ENOX1: variants seen among roughly 807,000 people sequenced by gnomAD.
The protein encoded by ENOX1 is candidate growth-related and time keeping constitutive hydroquinone (NADH) oxidase.
In ENOX1, 42 loss-of-function variants were observed where a neutral mutation model predicts 82.5. The observed-to-expected ratio is 0.51, with a 90% confidence interval of 0.40 to 0.66. ENOX1 has a LOEUF of 0.66. Ranked by LOEUF, ENOX1 falls within the 30% of genes least tolerant of loss-of-function variation. ENOX1 has a pLI of 0.00. For missense variants in ENOX1, 608 were observed against 811.6 expected, an observed-to-expected ratio of 0.75 and a Z score of 3.05; for synonymous variants, 271 against 282.2, an observed-to-expected ratio of 0.96 and a Z score of 0.40.
chr13:43,375,449 T>G (rs1246935090), intron 5 of ENOX1, among the ~76,000 whole-genome samples: 2 of 152,184 alleles, frequency 1.3e-5, no homozygotes, highest in African/African-American at 4.8e-5. Context: ...TCATTCAACA[T>G]GTATTAATTA....
chr13:43,265,485 CA>C (rs749038718), intron 13 of ENOX1, 31 bp from the exon 14 acceptor site: 10 of 1,585,994 alleles, frequency 6.3e-6, no homozygotes, highest in Admixed American at 1.7e-5. Flanking sequence ...CAACACAAAA[CA>C]AAAAAATGAA....
chr13:43,568,843 A>G (rs960435229), intron 2 of ENOX1, among the ~76,000 whole-genome samples: 1 of 152,114 alleles, frequency 6.6e-6, no homozygotes, highest in Admixed American at 6.6e-5. Flanking sequence ...TCAAAAGCCA[A>G]TTTTTATCTA....
At chr13:43,755,965 A>G (rs1344631115) in intron 1 of ENOX1, among the ~76,000 whole-genome samples, 1 of 152,192 alleles carries the variant, frequency 6.6e-6, no homozygotes, top group Non-Finnish European at 1.5e-5. Context: ...TACTAACTAA[A>G]AATCAGAACA....
intron 15 of ENOX1, among the ~76,000 whole-genome samples, chr13:43,228,389 A>C (rs1289486045): frequency 6.6e-6 from 1 of 152,158 alleles, no homozygotes; most frequent in Non-Finnish European, 1.5e-5. Flanking sequence ...GGGTTTCCAA[A>C]AGTGGAAAAA....
chr13:43,342,334 T>C (rs2049114540), intron 9 of ENOX1, among the ~76,000 whole-genome samples: 1 of 152,154 alleles, frequency 6.6e-6, no homozygotes, highest in African/African-American at 2.4e-5. Context: ...GACTTCTTGA[T>C]GACCTAGAAG....
At chr13:43,234,943 A>G (rs971036637) in intron 15 of ENOX1, among the ~76,000 whole-genome samples, 3 of 152,172 alleles carry the variant, frequency 2.0e-5, no homozygotes, top group African/African-American at 7.2e-5. Context: ...ATAAAAAAAT[A>G]GAGACTGGTT....
intron 14 of ENOX1, among the ~76,000 whole-genome samples, chr13:43,264,810 A>G (rs2044273881): frequency 6.6e-6 from 1 of 152,216 alleles, no homozygotes; most frequent in Non-Finnish European, 1.5e-5. Flanking sequence ...ACACTTGTTT[A>G]CTTTTTGACA....
At chr13:43,281,576 C>T (rs1389621457) in intron 12 of ENOX1, among the ~76,000 whole-genome samples, 1 of 151,238 alleles carries the variant, frequency 6.6e-6, no homozygotes, top group Non-Finnish European at 1.5e-5. Flanking sequence ...CTAGCTTTAG[C>T]AGTCCCCCTA....
chr13:43,532,406 T>C (rs932860823), intron 2 of ENOX1, among the ~76,000 whole-genome samples: 1 of 152,168 alleles, frequency 6.6e-6, no homozygotes, highest in Non-Finnish European at 1.5e-5. Flanking sequence ...ATGTCCCTGA[T>C]AGATCCTTTT....
intron 2 of ENOX1, among the ~76,000 whole-genome samples, chr13:43,661,101 C>T (rs2084698540): frequency 6.6e-6 from 1 of 152,110 alleles, no homozygotes; most frequent in African/African-American, 2.4e-5. Context: ...ATAGAAAATA[C>T]CATTATTACT....
At chr13:43,495,869 T>C (rs1593486664) in intron 2 of ENOX1, among the ~76,000 whole-genome samples, 1 of 152,148 alleles carries the variant, frequency 6.6e-6, no homozygotes, top group South Asian at 2.1e-4. Flanking sequence ...TTTATCTTTT[T>C]CTTGTGGATG....
chr13:43,648,966 G>T (rs968921282), intron 2 of ENOX1, among the ~76,000 whole-genome samples: 1 of 152,148 alleles, frequency 6.6e-6, no homozygotes, highest in African/African-American at 2.4e-5. Flanking sequence ...CATTGCTCAG[G>T]GTTAGACCCA....
At chr13:43,266,613 G>T (rs1347356532) in intron 13 of ENOX1, among the ~76,000 whole-genome samples, 1 of 152,158 alleles carries the variant, frequency 6.6e-6, no homozygotes, top group Non-Finnish European at 1.5e-5. Flanking sequence ...ATCATTGATG[G>T]TTCTACACAC....
In ENOX1 at chr13:43,586,416, C is replaced by T. The variant is rs556714698; in HGVS notation, c.-219+81063G>A. Among the ~76,000 whole-genome samples, 79 of 152,316 alleles carry T rather than the reference C, an allele frequency of 5.2e-4. 1 individual carries two copies. The South Asian group carries it at 0.015, about 30-fold the overall frequency. On this transcript the variant is annotated intron_variant, in intron 2 of 16. Coordinates refer to ENST00000690772, the MANE Select transcript of ENOX1 (RefSeq NM_001347969.2). ...TCATACCTGGTGCTTCAACATGACT[C>T]TGTGCCTTTGTCTGCTGTTCTCTCA...
intron 3 of ENOX1, among the ~76,000 whole-genome samples, chr13:43,456,693 T>C (rs1302197269): frequency 6.6e-6 from 1 of 152,062 alleles, no homozygotes; most frequent in East Asian, 1.9e-4. Flanking sequence ...GAGTCTAGAG[T>C]ATCTCTGATT....
intron 3 of ENOX1, among the ~76,000 whole-genome samples, chr13:43,448,017 T>C (rs2056754270): frequency 6.6e-6 from 1 of 152,218 alleles, no homozygotes; most frequent in Non-Finnish European, 1.5e-5. Flanking sequence ...ACAATGGATG[T>C]TTCAATTAAG....
chr13:43,382,323 A>T (rs1258936621), intron 5 of ENOX1, among the ~76,000 whole-genome samples: 1 of 152,184 alleles, frequency 6.6e-6, no homozygotes, highest in Non-Finnish European at 1.5e-5. Context: ...TTCTCTCAGT[A>T]AACTAAAAAT....
intron 3 of ENOX1, among the ~76,000 whole-genome samples, chr13:43,424,615 T>C (rs2055175264): frequency 6.6e-6 from 1 of 152,234 alleles, no homozygotes; most frequent in Non-Finnish European, 1.5e-5. Flanking sequence ...GCATTAGCCC[T>C]GCAGTCATGA....
At chr13:43,504,354 G>A (rs573618051) in intron 2 of ENOX1, among the ~76,000 whole-genome samples, 59 of 151,826 alleles carry the variant, frequency 3.9e-4, no homozygotes, top group Admixed American at 1.2e-3. Context: ...GGGTCACAAA[G>A]AGATTTCTGC....
Sources: allele counts gnomAD v4.1 joint callset (sites outside exome capture counted in the v4.1 genomes callset), GRCh38; gene constraint gnomAD v4.1.1; transcripts MANE v1.5; gene names NCBI Gene and HGNC (gene_info 2026-07-23, HGNC 2026-07-21).